RPTOR: variants seen among roughly 807,000 people sequenced by gnomAD.
RPTOR encodes the protein regulatory associated protein of MTOR complex 1.
Under a neutral mutation model 169.9 loss-of-function variants are expected in RPTOR, and 21 were observed. The ratio of observed to expected loss-of-function variants is 0.12; its 90% CI spans 0.09 to 0.18. The LOEUF (loss-of-function observed/expected upper bound fraction) is 0.18, where lower values mean the gene tolerates loss of function less well. Ranked by LOEUF, RPTOR falls within the 10% of genes least tolerant of loss-of-function variation. The pLI, the probability that RPTOR is intolerant of heterozygous loss-of-function variation, is 1.00. For synonymous variants in RPTOR, 732 were observed against 753.2 expected (o/e 0.97, Z 0.46); for missense variants, 1,133 against 1,855.9 (o/e 0.61, Z 7.16).
rs956756353 is a variant in RPTOR, at chr17:80,871,562, G to A, written c.1510-8853G>A. On this transcript the variant is annotated intron_variant, in intron 13 of 33. Coordinates refer to ENST00000306801, the MANE Select transcript of RPTOR (RefSeq NM_020761.3). ...TCCCCCGGGTGAAGCCGCTGCTGCCGCCCCTTCCGGAATGGGCTGCTCTTT... is the reference window on the plus strand; with the variant it reads ...TCCCCCGGGTGAAGCCGCTGCTGCCACCCCTTCCGGAATGGGCTGCTCTTT... 3.3e-5 allele frequency among the ~76,000 whole-genome samples: 5 copies of A among 152,196 alleles called. No homozygotes were observed. In the South Asian group the frequency reaches 1.0e-3, roughly 31 times the overall value.
At chr17:80,900,148 CA>C (rs1352344124) in intron 20 of RPTOR, among the ~76,000 whole-genome samples, 3 of 152,014 alleles carry the variant, frequency 2.0e-5, no homozygotes, top group Non-Finnish European at 4.4e-5. Context: ...GACTCCTGGC[CA>C]GGAGTCGGGG....
intron 1 of RPTOR, chr17:80,602,673 C>T (rs561411214): frequency 5.1e-5 from 36 of 711,196 alleles, no homozygotes; most frequent in Middle Eastern, 2.5e-4. Flanking sequence ...TAACCACGCA[C>T]GGATGCGGTA....
In RPTOR at chr17:80,844,886, C is replaced by T. The variant is rs1567945467; in HGVS notation, c.1213-1587C>T. On this transcript the variant is annotated intron_variant, in intron 10 of 33. Coordinates refer to ENST00000306801, the MANE Select transcript of RPTOR (RefSeq NM_020761.3). The surrounding 1 kb of genome is among the most constrained non-coding windows in gnomAD (Gnocchi z 4.7). ...CCCGACCTCCTCTCAGAGACACGCA[C>T]CTCCACTGCGGCCACCCACCTTCCC... Among the ~76,000 whole-genome samples, 2 of 152,166 alleles carry T rather than the reference C, an allele frequency of 1.3e-5. No homozygotes were observed. The highest frequency in any genetic ancestry group is 2.4e-5 in the African/African-American group (1 of 41,426).
chr17:80,827,023 G>A (rs2067452088), intron 9 of RPTOR, among the ~76,000 whole-genome samples: 1 of 152,250 alleles, frequency 6.6e-6, no homozygotes. Flanking sequence ...CGGGAAGGAA[G>A]AGGCGAGCAG....
intron 9 of RPTOR, among the ~76,000 whole-genome samples, chr17:80,825,201 G>A (rs531664800): frequency 1.0e-4 from 15 of 147,124 alleles, no homozygotes; most frequent in Admixed American, 2.7e-4. Flanking sequence ...GCCGCGTGGC[G>A]AGGCCAGCGT....
chr17:80,804,784 C>G (rs567575649), intron 7 of RPTOR: 1 of 152,404 alleles, frequency 6.6e-6, no homozygotes, highest in East Asian at 1.9e-4. Flanking sequence ...CTTCACGTCC[C>G]TCTGCGTGTT....
rs190244922 is a variant in RPTOR, at chr17:80,945,009, G to C, written c.3026-658G>C. ...CCATCTCAAAAAAAAAAAAAAAAAA[G>C]ACTGGCTACTGGCTGGGCGTATGCC... On this transcript the variant is annotated intron_variant, in intron 25 of 33. Transcript: ENST00000306801. 5.9e-3 allele frequency among the ~76,000 whole-genome samples: 832 copies of C among 140,622 alleles called. 2 individuals carry two copies. The highest frequency in any genetic ancestry group is 0.013 in the South Asian group (57 of 4,448). The allele number at this position is 140,622 out of a possible 152,430, so 92.3% of individuals were successfully genotyped here.
At chr17:80,672,892 G>T (rs192556447) in intron 3 of RPTOR, among the ~76,000 whole-genome samples, 2 of 152,246 alleles carry the variant, frequency 1.3e-5, no homozygotes, top group African/African-American at 4.8e-5. Flanking sequence ...AGAACGGAGG[G>T]TTCTAGGAGT....
At chr17:80,734,664 T>C (rs545232988) in intron 5 of RPTOR, among the ~76,000 whole-genome samples, 5 of 152,132 alleles carry the variant, frequency 3.3e-5, no homozygotes, top group Non-Finnish European at 7.4e-5. Context: ...CATCTGCAGG[T>C]GTTTCATCTG....
chr17:80,961,515 G>A, intron 31 of RPTOR, 35 bp downstream of exon 31: 2 of 1,534,898 alleles, frequency 1.3e-6, no homozygotes, highest in East Asian at 2.5e-5. Context: ...CCGTTCTGCT[G>A]TAAAAACATT....
At chr17:80,661,601 C>T (rs530481944) in intron 3 of RPTOR, among the ~76,000 whole-genome samples, 1 of 152,224 alleles carries the variant, frequency 6.6e-6, no homozygotes, top group East Asian at 1.9e-4. Context: ...TTATGTCCGC[C>T]GATAAGGTCG....
At chr17:80,906,883 G>A (rs1008728050) in intron 20 of RPTOR, among the ~76,000 whole-genome samples, 9 of 152,116 alleles carry the variant, frequency 5.9e-5, no homozygotes, top group African/African-American at 2.2e-4. Flanking sequence ...GGAGCCACGG[G>A]CATGGGGCTT....
chr17:80,689,724 G>A (rs2065975285), intron 3 of RPTOR, among the ~76,000 whole-genome samples: 1 of 152,162 alleles, frequency 6.6e-6, no homozygotes, highest in South Asian at 2.1e-4. Flanking sequence ...CACTATCAGT[G>A]TTTTACGCGT....
rs2084516295 is a variant in RPTOR, at chr17:80,562,752, C to T, written c.162+16961C>T. Among the ~76,000 whole-genome samples, 1 of 154 alleles carries T rather than the reference C, an allele frequency of 6.5e-3. No homozygotes were observed. Among genetic ancestry groups the T allele is most frequent in the African/African-American group, 0.023 (1 of 44 alleles). 0.1% of individuals were successfully genotyped at this position (154 alleles called of 152,430 possible). A position where few individuals can be genotyped will look rare whatever the true frequency, so the allele number is the denominator to read the frequency against. On this transcript the variant is annotated intron_variant, in intron 1 of 33. Coordinates refer to ENST00000306801, the MANE Select transcript of RPTOR (RefSeq NM_020761.3). The surrounding 1 kb of genome is among the most constrained non-coding windows in gnomAD (Gnocchi z 4.4). ...TGAGCTGAGACTGCGCCACTGCACCCCATCCTGGCAACAGAGCAAGACTCT... is the reference window on the plus strand; with the variant it reads ...TGAGCTGAGACTGCGCCACTGCACCTCATCCTGGCAACAGAGCAAGACTCT...
Position 80,959,976 on chromosome 17 carries a change from C to T in RPTOR, c.3478-102C>T. The T allele has an allele frequency of 6.8e-7, 1 of 1,466,672 alleles. No homozygotes were observed. The highest frequency in any genetic ancestry group is 1.2e-5 in the South Asian group (1 of 81,738). 90.9% of individuals were successfully genotyped at this position (1,466,672 alleles called of 1,614,324 possible). A position where few individuals can be genotyped will look rare whatever the true frequency, so the allele number is the denominator to read the frequency against. ...CCCCTGCAGCCAGGGAGGGTGATCC[C>T]CACAGCCAGGCAGGCAGCAAGAGGG... On this transcript the variant is annotated intron_variant, in intron 29 of 33. Transcript: ENST00000306801. This position sits in a 1 kb window ranked among gnomAD's most constrained non-coding sequence, Gnocchi z 6.7.
At chr17:80,745,933 G>A (rs1020707066) in intron 5 of RPTOR, among the ~76,000 whole-genome samples, 7 of 152,164 alleles carry the variant, frequency 4.6e-5, no homozygotes, top group Non-Finnish European at 8.8e-5. Context: ...AGGCCAAGGC[G>A]GGTGGATCAC....
rs1198766546 is a variant in RPTOR at position 80,964,254 on chromosome 17, C to T, written c.3940-8C>T. On this transcript the variant is annotated splice_region_variant and splice_polypyrimidine_tract_variant and intron_variant, in intron 33 of 33. Coordinates refer to ENST00000306801, the MANE Select transcript of RPTOR (RefSeq NM_020761.3). ...GAACCCCTGCTCACCCCTTCTCTCT[C>T]CTTGCAGCCTCACCTGGCCGTGGGA... The T allele has an allele frequency of 2.5e-6, 4 of 1,602,888 alleles. No homozygotes were observed. The African/African-American group carries it at 4.0e-5, about 16-fold the overall frequency.
At chr17:80,615,064 A>T (rs1186700905) in intron 1 of RPTOR, among the ~76,000 whole-genome samples, 1 of 152,154 alleles carries the variant, frequency 6.6e-6, no homozygotes, top group Non-Finnish European at 1.5e-5. Context: ...TCTTACGTAG[A>T]TGGCAGAAAA....
rs1345238365 is a variant in RPTOR, at chr17:80,822,212, G to A, written c.902G>A (p.Arg301His). The change falls in exon 8 of 34, where the codon CGC becomes CAC. Residue 301 changes from arginine to histidine, a missense_variant. Arg to His is a conservative substitution (Grantham distance 29, BLOSUM62 0). Around this residue, in one of 9 missense-constraint regions of RPTOR, gnomAD observed 289 missense variants for 585.8 expected, o/e 0.49. Transcript: ENST00000306801. ...CCCTTGTTTTCTAGGATCCCTGGCC[G>A]CCTGAACGACAGGAGGACGCCCCTG... ...TLDLIEKIPG[R>H]LNDRRTPLGE... The A allele has an allele frequency of 2.5e-6, 4 of 1,614,142 alleles. No homozygotes were observed. Among genetic ancestry groups the A allele is most frequent in the Non-Finnish European group, 3.4e-6 (4 of 1,179,962 alleles).
Sources: gnomAD v4.1 joint callset for allele counts (sites outside exome capture counted in the v4.1 genomes callset) on GRCh38, gnomAD v4.1.1 for gene constraint, gnomAD v4.1.1 regional missense constraint, Gnocchi (gnomAD v3.1) non-coding constraint, MANE v1.5 for transcripts, NCBI Gene and HGNC (gene_info 2026-07-23, HGNC 2026-07-21) for gene names.